The following DTHD1 variants were observed in gnomAD, a reference collection of about 807,000 sequenced individuals.
DTHD1 encodes death domain containing 1.
Under a neutral mutation model 74.8 loss-of-function variants are expected in DTHD1, and 59 were observed. That is an observed-to-expected ratio of 0.79 (90% CI 0.64 to 0.98). The LOEUF (loss-of-function observed/expected upper bound fraction) is 0.98. DTHD1 is among the 50% of genes least tolerant of loss of function. The probability of loss-of-function intolerance (pLI) is 0.00; values close to 1 mark genes in which losing one functional copy is unlikely to be tolerated. For synonymous variants in DTHD1, 365 were observed against 371.1 expected (o/e 0.98, Z 0.19); for missense variants, 1,051 against 1,065.4 (o/e 0.99, Z 0.19).
At chr4:36,334,233 C>T (rs997933961) in intron 8 of DTHD1, among the ~76,000 whole-genome samples, 2 of 152,140 alleles carry the variant, frequency 1.3e-5, no homozygotes, top group African/African-American at 4.8e-5. Flanking sequence ...GTTGCTTATT[C>T]CAAATGTGGC....
intron 8 of DTHD1, among the ~76,000 whole-genome samples, chr4:36,325,316 G>A (rs1758278694): frequency 6.6e-6 from 1 of 152,150 alleles, no homozygotes; most frequent in African/African-American, 2.4e-5. Flanking sequence ...GGCCATAATT[G>A]AGGATGGAGA....
rs531356321 is a variant in DTHD1, at chr4:36,328,256, T to C, written c.2341-10856T>C. ...GCTCTAAACTCTGTTCTTATTTTGT[T>C]CCACAGCAATCTTACTTCTCTGTGG... On this transcript the variant is annotated intron_variant, in intron 8 of 9. Coordinates refer to ENST00000639862, the MANE Select transcript of DTHD1 (RefSeq NM_001170700.3). Among the ~76,000 whole-genome samples, 6 of 152,356 alleles carry C rather than the reference T, an allele frequency of 3.9e-5. No individual in the cohort carries two copies. In the South Asian group the frequency reaches 6.2e-4, roughly 16 times the overall value.
rs565402266 is a variant in DTHD1, at chr4:36,344,121, A to C, written c.*297A>C. 7.6e-5 allele frequency: 23 copies of C among 301,318 alleles called. No homozygotes were observed. The East Asian group carries it at 1.4e-3, about 18-fold the overall frequency. The allele number at this position is 301,318 out of a possible 1,614,324, so 18.7% of individuals were successfully genotyped here. ...TGACTTGTTCACATTTTAAAAGCTA[A>C]GTGTGAAGAAAAGATCTGATATATG... On this transcript the variant is annotated 3_prime_UTR_variant, in exon 10 of 10. Coordinates refer to ENST00000639862, the MANE Select transcript of DTHD1 (RefSeq NM_001170700.3).
Position 36,294,786 on chromosome 4 carries a change from T to C in DTHD1, c.1399-9T>C, listed in dbSNP as rs1367524646. 1.9e-5 allele frequency: 28 copies of C among 1,499,462 alleles called. No homozygotes were observed. The highest frequency in any genetic ancestry group is 2.5e-5 in the Non-Finnish European group (28 of 1,124,878). 92.9% of individuals were successfully genotyped at this position (1,499,462 alleles called of 1,614,324 possible). On this transcript the variant is annotated splice_polypyrimidine_tract_variant and intron_variant, in intron 4 of 9. Transcript: ENST00000639862. ...TTAAAACATAAGAAAAAATATATTT[T>C]TTGTTTAGATCCAACCAGTTGACCC...
At position 36,308,507 on chromosome 4, in the gene DTHD1, A is replaced by G. The variant is rs1231430855; in HGVS notation, c.2095+14A>G. 2.6e-6 allele frequency: 4 copies of G among 1,530,490 alleles called. No homozygotes were observed. Among genetic ancestry groups the G allele is most frequent in the Non-Finnish European group, 3.5e-6 (4 of 1,135,994 alleles). 94.8% of individuals were successfully genotyped at this position (1,530,490 alleles called of 1,614,324 possible). A position where few individuals can be genotyped will look rare whatever the true frequency, so the allele number is the denominator to read the frequency against. On this transcript the variant is annotated intron_variant, in intron 7 of 9. Transcript: ENST00000639862. ...TATTTGCTTCAAGTAAGTATAAAGAAATCTTTTTATATATTTTATTGGCTA... is the reference window on the plus strand; with the variant it reads ...TATTTGCTTCAAGTAAGTATAAAGAGATCTTTTTATATATTTTATTGGCTA...
chr4:36,330,280 T>A (rs1417942722), intron 8 of DTHD1, among the ~76,000 whole-genome samples: 1 of 152,222 alleles, frequency 6.6e-6, no homozygotes, highest in Non-Finnish European at 1.5e-5. Flanking sequence ...CCAGAGGTAC[T>A]GAAGTGACTG....
chr4:36,339,895 GATAA>G (rs1292326703), intron 9 of DTHD1, among the ~76,000 whole-genome samples: 3 of 152,164 alleles, frequency 2.0e-5, no homozygotes, highest in Non-Finnish European at 4.4e-5. Flanking sequence ...CCCTTTCAGG[GATAA>G]ATAAACGGTG....
Position 36,283,979 on chromosome 4 carries a change from TC to T in DTHD1, c.276del (p.Ile93LeufsTer4). ...KENQCVSRKEIITFIDCLIKI... is the reference protein window; with the variant it reads ...KENQCVSRKEXITFIDCLIKI... ...GTGTCCATGTATGTGTGTGTAGAAATCATTACTTTCATAGACTGCCTCATAA... is the reference window on the plus strand; with the variant it reads ...GTGTCCATGTATGTGTGTGTAGAAATATTACTTTCATAGACTGCCTCATAA... On this transcript the variant is annotated frameshift_variant, in exon 2 of 10. Transcript: ENST00000639862. LOFTEE classifies it high-confidence loss of function. 1 of 1,527,682 alleles carries T rather than the reference TC, an allele frequency of 6.5e-7. No homozygotes were observed. 94.6% of individuals were successfully genotyped at this position (1,527,682 alleles called of 1,614,324 possible).
chr4:36,284,385 G>T lies in DTHD1; in HGVS notation c.681G>T (p.Met227Ile). 1 of 1,537,088 alleles carries T rather than the reference G, an allele frequency of 6.5e-7. No homozygotes were observed. The highest frequency in any genetic ancestry group is 1.2e-5 in the South Asian group (1 of 83,998). The change falls in exon 2 of 10, where the codon ATG becomes ATT. Residue 227 changes from methionine to isoleucine, a missense_variant. Coordinates refer to ENST00000639862, the MANE Select transcript of DTHD1 (RefSeq NM_001170700.3). Reference sequence around the variant, plus strand: ...AAGATGATAAACAAATAGAACACATGACTGTTGAGAACATAAATGGCAACA... The same window carrying T: ...AAGATGATAAACAAATAGAACACATTACTGTTGAGAACATAAATGGCAACA... ...ENEDDKQIEH[M>I]TVENINGNRE...
intron 8 of DTHD1, among the ~76,000 whole-genome samples, chr4:36,322,174 T>C (rs1758068343): frequency 6.6e-6 from 1 of 152,168 alleles, no homozygotes; most frequent in South Asian, 2.1e-4. Context: ...CATTTGTACA[T>C]TTCTTGCAGA....
rs1755408436 is a variant in DTHD1 at position 36,281,728 on chromosome 4, A to C, written c.-31A>C. The C allele has an allele frequency of 1.6e-6, 2 of 1,234,784 alleles. No individual in the cohort carries two copies. The highest frequency in any genetic ancestry group is 3.1e-5 in the African/African-American group (2 of 64,516). The allele number at this position is 1,234,784 out of a possible 1,614,324, so 76.5% of individuals were successfully genotyped here. On this transcript the variant is annotated 5_prime_UTR_variant, in exon 1 of 10. Transcript: ENST00000639862. ...TGCAAAACCTTTAGGCTTTGCTGGC[A>C]GGAGAGAAAATACCACTTTTGGATC...
intron 5 of DTHD1, among the ~76,000 whole-genome samples, chr4:36,300,233 C>T (rs772979997): frequency 2.0e-5 from 3 of 152,124 alleles, no homozygotes; most frequent in Non-Finnish European, 4.4e-5. Flanking sequence ...GAGTTGCTTT[C>T]CTCAAGGTGG....
At chr4:36,283,938 T>C in intron 1 of DTHD1, 38 bp from the exon 2 acceptor site, 1 of 1,393,582 alleles carries the variant, frequency 7.2e-7, no homozygotes, top group Non-Finnish European at 9.6e-7. Flanking sequence ...GGTTTAGTTT[T>C]GTATTTATTC....
At chr4:36,289,427 T>G (rs1460624038) in intron 2 of DTHD1, among the ~76,000 whole-genome samples, 1 of 152,162 alleles carries the variant, frequency 6.6e-6, no homozygotes, top group East Asian at 1.9e-4. Flanking sequence ...TATGATATTA[T>G]ATTAAAGAGT....
intron 8 of DTHD1, among the ~76,000 whole-genome samples, chr4:36,330,002 T>C (rs542923594): frequency 2.3e-4 from 35 of 152,376 alleles, no homozygotes; most frequent in African/African-American, 7.9e-4. Context: ...GCAACAAATA[T>C]GTTTTAAAAC....
intron 4 of DTHD1, among the ~76,000 whole-genome samples, chr4:36,294,073 G>A (rs1354218535): frequency 6.6e-6 from 1 of 151,590 alleles, no homozygotes; most frequent in Non-Finnish European, 1.5e-5. Flanking sequence ...CAAAAAAGAG[G>A]ACAATCAATT....
At chr4:36,323,953 C>G (rs1452718455) in intron 8 of DTHD1, among the ~76,000 whole-genome samples, 1 of 152,192 alleles carries the variant, frequency 6.6e-6, no homozygotes, top group African/African-American at 2.4e-5. Flanking sequence ...ATCCTCATGT[C>G]TGCAGTTCCA....
At chr4:36,299,007 C>T (rs1160362080) in intron 5 of DTHD1, among the ~76,000 whole-genome samples, 10 of 152,110 alleles carry the variant, frequency 6.6e-5, no homozygotes, top group African/African-American at 2.4e-4. Flanking sequence ...AAACAATAAA[C>T]TGATCATTAT....
chr4:36,331,546 G>A (rs920633809), intron 8 of DTHD1, among the ~76,000 whole-genome samples: 2 of 152,104 alleles, frequency 1.3e-5, no homozygotes, highest in African/African-American at 2.4e-5. Context: ...TTACTTGTAT[G>A]TCTTTTAGTA....
Sources: allele counts gnomAD v4.1 joint callset (sites outside exome capture counted in the v4.1 genomes callset), GRCh38; gene constraint gnomAD v4.1.1; transcripts MANE v1.5; gene names NCBI Gene and HGNC (gene_info 2026-07-23, HGNC 2026-07-21).